CFAP119: variants seen among roughly 807,000 people sequenced by gnomAD.
CFAP119 encodes the protein cilia- and flagella-associated protein 119.
chr16:30,760,382 A>AAGAGGTCC, the CFAP119 span: 1 of 1,614,188 alleles, frequency 6.2e-7, no homozygotes, highest in African/African-American at 1.3e-5. Context: ...CGCGTGGCAG[A>AAGAGGTCC]AGAGGTCCAG....
the CFAP119 span, chr16:30,757,691 GA>G: frequency 6.4e-7 from 1 of 1,574,252 alleles, no homozygotes; most frequent in Admixed American, 1.8e-5. Flanking sequence ...GGTGAGGAGA[GA>G]TGCTGTCTGG....
the CFAP119 span, chr16:30,757,610 T>C: frequency 6.2e-7 from 1 of 1,614,184 alleles, no homozygotes; most frequent in Admixed American, 1.7e-5. Flanking sequence ...TCCAGCTCTT[T>C]GTTCACTTGG....
the CFAP119 span, chr16:30,759,539 A>C: frequency 6.2e-6 from 10 of 1,614,170 alleles, no homozygotes; most frequent in Non-Finnish European, 7.6e-6. Flanking sequence ...CAACAGGAGC[A>C]AGGAGAGCCC....
At chr16:30,760,222 C>T in the CFAP119 span, 2 of 1,612,770 alleles carry the variant, frequency 1.2e-6, no homozygotes, top group South Asian at 1.1e-5. Context: ...CCCATGGTCA[C>T]TTGTGCCAGG....
the CFAP119 span, chr16:30,761,869 G>T: frequency 2.1e-6 from 2 of 940,282 alleles, no homozygotes; most frequent in Non-Finnish European, 3.0e-6. Context: ...GCCAATCTAC[G>T]CGCGGAGAGG....
the CFAP119 span, chr16:30,761,471 A>G: frequency 2.0e-6 from 3 of 1,524,972 alleles, no homozygotes; most frequent in Non-Finnish European, 1.8e-6. Flanking sequence ...GTTAGTAAGC[A>G]TAATGACAGG....
chr16:30,757,720 C>CTAGT, the CFAP119 span: 1 of 1,524,684 alleles, frequency 6.6e-7, no homozygotes, highest in Non-Finnish European at 8.8e-7. Flanking sequence ...GGGATGGTCC[C>CTAGT]TAGTTGGGCA....
chr16:30,760,583 C>A, the CFAP119 span: 1 of 1,563,210 alleles, frequency 6.4e-7, no homozygotes. Flanking sequence ...AAGAGCTCTT[C>A]CCACGCCCCC....
At chr16:30,760,171 A>G in the CFAP119 span, 11 of 1,598,406 alleles carry the variant, frequency 6.9e-6, no homozygotes, top group South Asian at 1.1e-4. Flanking sequence ...TGATGCTACT[A>G]ATAATGACAT....
the CFAP119 span, chr16:30,761,792 C>T: frequency 1.3e-6 from 2 of 1,483,610 alleles, no homozygotes; most frequent in Non-Finnish European, 1.8e-6. Context: ...GCTCCCGCCG[C>T]CTAGGTTCCA....
the CFAP119 span, chr16:30,759,051 C>T: frequency 1.9e-6 from 3 of 1,614,188 alleles, no homozygotes; most frequent in Non-Finnish European, 2.5e-6. Flanking sequence ...TCTAGTTCCT[C>T]TTTCTGCGGG....
At chr16:30,761,814 G>T in the CFAP119 span, 1 of 1,406,640 alleles carries the variant, frequency 7.1e-7, no homozygotes, top group Non-Finnish European at 9.4e-7. Flanking sequence ...GACAGCCAGC[G>T]CTCGGTCGGC....
the CFAP119 span, chr16:30,760,082 A>G: frequency 3.3e-6 from 5 of 1,536,380 alleles, no homozygotes; most frequent in Non-Finnish European, 4.4e-6. Context: ...TTCTCAGAAC[A>G]GTCCTGTAAA....
At chr16:30,760,707 C>A in the CFAP119 span, 10 of 1,538,310 alleles carry the variant, frequency 6.5e-6, no homozygotes, top group South Asian at 1.2e-4. Flanking sequence ...GTGGCCGTTA[C>A]CTATCATGAC....
At chr16:30,760,734 G>A in the CFAP119 span, 4 of 1,440,322 alleles carry the variant, frequency 2.8e-6, no homozygotes, top group Non-Finnish European at 3.8e-6. Context: ...GTGACAGCTA[G>A]TGCGTGAGAC....
chr16:30,760,237 G>C, the CFAP119 span: 12 of 1,613,484 alleles, frequency 7.4e-6, no homozygotes, highest in Admixed American at 1.2e-4. Flanking sequence ...GCCAGGCCCG[G>C]TTCCTCTTCT....
At chr16:30,761,016 TCACAC>T in the CFAP119 span, 2 of 666,530 alleles carry the variant, frequency 3.0e-6, no homozygotes, top group Admixed American at 5.8e-5. Context: ...TCTTTTTTTC[TCACAC>T]TGCCTCCTCT....
chr16:30,761,387 C>G, the CFAP119 span: 2 of 1,371,770 alleles, frequency 1.5e-6, no homozygotes, highest in African/African-American at 2.9e-5. Context: ...AGGTGCTCTA[C>G]GCGAGCACAG....
At chr16:30,760,658 C>G in the CFAP119 span, 5 of 1,549,084 alleles carry the variant, frequency 3.2e-6, no homozygotes, top group Non-Finnish European at 3.5e-6. Flanking sequence ...GAATGGACGT[C>G]CAGGTACTTC....
Sources: gnomAD v4.1 joint callset for allele counts on GRCh38, gnomAD v4.1.1 for gene constraint, MANE v1.5 for transcripts, NCBI Gene and HGNC (gene_info 2026-07-23, HGNC 2026-07-21) for gene names.